The following NTPCR variants were observed in gnomAD, a reference collection of about 807,000 sequenced individuals.
The protein encoded by NTPCR is cancer-related nucleoside-triphosphatase.
NTPCR carries 15 observed loss-of-function variants against 19.5 expected under a neutral mutation model. That is an observed-to-expected ratio of 0.77 (90% CI 0.51 to 1.18). The LOEUF (loss-of-function observed/expected upper bound fraction) is 1.18, where lower values mean the gene tolerates loss of function less well. Among genes scored for constraint, NTPCR ranks in the 50% most tolerant of loss-of-function variants. NTPCR has a pLI of 0.00. For missense variants in NTPCR, 206 were observed against 240.4 expected, an observed-to-expected ratio of 0.86 and a Z score of 0.95; for synonymous variants, 90 against 95.8, an observed-to-expected ratio of 0.94 and a Z score of 0.36.
rs180886804 is a variant in NTPCR at position 232,970,736 on chromosome 1, C to A, written c.504+618C>A. On this transcript the variant is annotated intron_variant, in intron 4 of 4. Transcript: ENST00000366628. Reference sequence around the variant, plus strand: ...TTATTTATTTAATCACATAAATAATCAAATTTAAATTGAATTAAACATTTG... The same window carrying A: ...TTATTTATTTAATCACATAAATAATAAAATTTAAATTGAATTAAACATTTG... 1.5e-4 allele frequency among the ~76,000 whole-genome samples: 23 copies of A among 152,272 alleles called. No individual in the cohort carries two copies. In the East Asian group the frequency reaches 4.4e-3, roughly 29 times the overall value.
intron 3 of NTPCR, among the ~76,000 whole-genome samples, chr1:232,958,460 G>T (rs1668574301): frequency 6.6e-6 from 1 of 152,206 alleles, no homozygotes; most frequent in Admixed American, 6.5e-5. Context: ...TGTAGTGGTG[G>T]TTGCCCAAAG....
rs1371056859 is a variant in NTPCR, at chr1:232,978,219, C to T, written c.561C>T (p.Ser187=). The change falls in exon 5 of 5, where the codon AGC becomes AGT. Residue 187 remains serine (S), a synonymous_variant. Transcript: ENST00000366628. ...CAGATATCGTGACGTGCGTGCAGAG[C>T]AGCAGGAAGTGAAGACACGTGCATT... ...LLPDIVTCVQ[S]SRK 1 of 1,614,150 alleles carries T rather than the reference C, an allele frequency of 6.2e-7. No individual in the cohort carries two copies. The highest frequency in any genetic ancestry group is 1.1e-5 in the South Asian group (1 of 91,060).
rs1175058347 is a variant in NTPCR, at chr1:232,961,668, C to T, written c.294+5225C>T. 3.3e-5 allele frequency among the ~76,000 whole-genome samples: 5 copies of T among 152,182 alleles called. No individual in the cohort carries two copies. In the East Asian group the frequency reaches 5.8e-4, roughly 18 times the overall value. On this transcript the variant is annotated intron_variant, in intron 3 of 4. Coordinates refer to ENST00000366628, the MANE Select transcript of NTPCR (RefSeq NM_032324.3). ...CCTTCAAGGTAGAGAAAAGTCTGTC[C>T]CTATTCCAAATTTATATAAAATTTT...
At chr1:232,952,615 A>G (rs1274499219) in intron 1 of NTPCR, among the ~76,000 whole-genome samples, 3 of 151,524 alleles carry the variant, frequency 2.0e-5, no homozygotes, top group Admixed American at 6.6e-5. Flanking sequence ...GGCTCAAACC[A>G]TCTTCCCACC....
chr1:232,952,534 A>C (rs1668396066), intron 1 of NTPCR, among the ~76,000 whole-genome samples: 2 of 151,910 alleles, frequency 1.3e-5, no homozygotes. Context: ...TTATTGAGAC[A>C]GGGCCTCTCT....
In NTPCR at chr1:232,978,206, C is replaced by T. The variant is rs369245649; in HGVS notation, c.548C>T (p.Thr183Met). The T allele has an allele frequency of 2.4e-5, 39 of 1,614,062 alleles. No homozygotes were observed. The highest frequency in any genetic ancestry group is 2.9e-5 in the Non-Finnish European group (34 of 1,180,010). Residue 183 changes from threonine to methionine, a missense_variant, in exon 5 of 5, where the codon ACG becomes ATG. Transcript: ENST00000366628. ...AACCACCTTCTGCCAGATATCGTGA[C>T]GTGCGTGCAGAGCAGCAGGAAGTGA... Reference protein sequence around the residue: ...NRNHLLPDIVTCVQSSRK With the variant: ...NRNHLLPDIVMCVQSSRK
chr1:232,980,955 T>C lies in NTPCR; in HGVS notation c.*2724T>C. 6.6e-6 allele frequency: 1 copy of C among 152,132 alleles called. No individual in the cohort carries two copies. The highest frequency in any genetic ancestry group is 1.9e-4 in the East Asian group (1 of 5,196). 9.4% of individuals were successfully genotyped at this position (152,132 alleles called of 1,614,324 possible). A position where few individuals can be genotyped will look rare whatever the true frequency, so the allele number is the denominator to read the frequency against. On this transcript the variant is annotated 3_prime_UTR_variant, in exon 5 of 5. Transcript: ENST00000366628. ...ACAAAGCAAAATATCTAACAGATGG[T>C]TGGATATGAGTCTCAGGGAGGAATT...
rs113456572 is a variant in NTPCR, at chr1:232,956,231, G to A, written c.198-116G>A. 2.8e-4 allele frequency: 203 copies of A among 730,118 alleles called. No homozygotes were observed. The African/African-American group carries it at 3.0e-3, about 11-fold the overall frequency. The allele number at this position is 730,118 out of a possible 1,614,324, so 45.2% of individuals were successfully genotyped here. On this transcript the variant is annotated intron_variant, in intron 2 of 4. Coordinates refer to ENST00000366628, the MANE Select transcript of NTPCR (RefSeq NM_032324.3). Reference sequence around the variant, plus strand: ...TTACAGACCACCGCATTTTGTGTTGGTCATTTTTAAGGATGATTTAGCATA... The same window carrying A: ...TTACAGACCACCGCATTTTGTGTTGATCATTTTTAAGGATGATTTAGCATA...
At chr1:232,955,825 G>A in intron 2 of NTPCR, 106 bp downstream of exon 2, 2 of 1,136,942 alleles carry the variant, frequency 1.8e-6, no homozygotes, top group East Asian at 2.4e-5. Context: ...CAGATACTCT[G>A]TTGGGTCCTT....
intron 1 of NTPCR, among the ~76,000 whole-genome samples, chr1:232,951,656 A>G (rs1253175858): frequency 6.6e-6 from 1 of 152,150 alleles, no homozygotes; most frequent in Non-Finnish European, 1.5e-5. Context: ...GTAACCCTGG[A>G]TCTAGAATTC....
rs916933498 is a variant in NTPCR, at chr1:232,959,979, G to C, written c.294+3536G>C. Among the ~76,000 whole-genome samples the C allele has an allele frequency of 2.6e-5, 4 of 152,196 alleles. No homozygotes were observed. In the East Asian group the frequency reaches 7.8e-4, roughly 30 times the overall value. On this transcript the variant is annotated intron_variant, in intron 3 of 4. Transcript: ENST00000366628. ...TAACCCCAGCTCTTTGGGAGTCTGA[G>C]GTGAGTGGATAACTTCAGGCCAGGA... is the stretch of plus-strand genomic sequence containing the variant.
chr1:232,973,713 G>A (rs1402294529), intron 4 of NTPCR, among the ~76,000 whole-genome samples: 1 of 152,206 alleles, frequency 6.6e-6, no homozygotes, highest in Non-Finnish European at 1.5e-5. Flanking sequence ...GAACTGGAAA[G>A]TTTCAGCAAA....
rs112320659 is a variant in NTPCR at position 232,954,018 on chromosome 1, T to C, written c.35-1539T>C. Among the ~76,000 whole-genome samples, 607 of 152,354 alleles carry C rather than the reference T, an allele frequency of 4.0e-3. 5 individuals carry two copies. Among genetic ancestry groups the C allele is most frequent in the African/African-American group, 0.014 (579 of 41,586 alleles). ...CTCTTTCACACATTTGTATTGTTGA[T>C]GTTTCCTGAGGATGAATTCCTAGTC... is the stretch of plus-strand genomic sequence containing the variant. On this transcript the variant is annotated intron_variant, in intron 1 of 4. Coordinates refer to ENST00000366628, the MANE Select transcript of NTPCR (RefSeq NM_032324.3).
At chr1:232,976,512 G>A (rs1190516236) in intron 4 of NTPCR, 2 of 1,534,132 alleles carry the variant, frequency 1.3e-6, no homozygotes, top group Non-Finnish European at 1.8e-6. Flanking sequence ...TCTACCTCAG[G>A]TGGATTCCTT....
intron 4 of NTPCR, chr1:232,976,255 T>C: frequency 1.4e-6 from 2 of 1,404,036 alleles, no homozygotes. Flanking sequence ...TCTGTCACTT[T>C]AAATTATCAT....
chr1:232,970,851 A>G (rs1480996694), intron 4 of NTPCR, among the ~76,000 whole-genome samples: 1 of 152,200 alleles, frequency 6.6e-6, no homozygotes, highest in Non-Finnish European at 1.5e-5. Context: ...TGTGCCACTC[A>G]GTGTGAGGCT....
rs777345580 is a variant in NTPCR, at chr1:232,955,620, T to C, written c.98T>C (p.Val33Ala). ...GTTTTAAAATCCTCTGGTGTGCCTG[T>C]TGATGGATTTTATACCGAAGAAGTC... ...SEVLKSSGVP[V>A]DGFYTEEVRQ... is the part of the protein sequence containing the mutation. Residue 33 changes from valine (V) to alanine (A), a missense_variant, in exon 2 of 5, where the codon GTT becomes GCT. Transcript: ENST00000366628. 5.6e-6 allele frequency: 9 copies of C among 1,613,136 alleles called. No homozygotes were observed. The highest frequency in any genetic ancestry group is 1.7e-5 in the Admixed American group (1 of 59,918).
At position 232,978,441 on chromosome 1, in the gene NTPCR, G is replaced by A. The variant is rs1669205838; in HGVS notation, c.*210G>A. On this transcript the variant is annotated 3_prime_UTR_variant, in exon 5 of 5. Coordinates refer to ENST00000366628, the MANE Select transcript of NTPCR (RefSeq NM_032324.3). ...TGTACAAGATTAACTATCCATTGTG[G>A]CTTATCTATGCTTAAAGATTTCTTG... 4.2e-6 allele frequency: 2 copies of A among 473,808 alleles called. No individual in the cohort carries two copies. The highest frequency in any genetic ancestry group is 6.9e-5 in the East Asian group (2 of 29,080). The allele number at this position is 473,808 out of a possible 1,614,324, so 29.4% of individuals were successfully genotyped here.
chr1:232,964,014 C>A (rs541712831), intron 3 of NTPCR: 2 of 152,232 alleles, frequency 1.3e-5, no homozygotes, highest in East Asian at 3.9e-4. Flanking sequence ...CAGTTATCAA[C>A]CTCTGTAAAT....
Sources: allele counts gnomAD v4.1 joint callset (sites outside exome capture counted in the v4.1 genomes callset), GRCh38; gene constraint gnomAD v4.1.1; transcripts MANE v1.5; gene names NCBI Gene and HGNC (gene_info 2026-07-23, HGNC 2026-07-21).